The following CSMD1 variants were observed in gnomAD, a reference collection of about 807,000 sequenced individuals.
The protein encoded by CSMD1 is CUB and Sushi multiple domains 1.
CSMD1 carries 213 observed loss-of-function variants against 417.5 expected under a neutral mutation model. The ratio of observed to expected loss-of-function variants is 0.51; its 90% CI spans 0.46 to 0.57. CSMD1 has a LOEUF of 0.57. Ranked by LOEUF, CSMD1 falls within the 20% of genes least tolerant of loss-of-function variation. CSMD1 has a pLI of 0.00. For missense variants in CSMD1, 6,923 were observed against 4,529.7 expected, an observed-to-expected ratio of 1.53 and a Z score of -15.17; for synonymous variants, 2,862 against 1,736.8, an observed-to-expected ratio of 1.65 and a Z score of -16.11.
chr8:4,728,517 A>T (rs994483809), intron 1 of CSMD1, among the ~76,000 whole-genome samples: 10 of 152,126 alleles, frequency 6.6e-5, no homozygotes, highest in Admixed American at 6.5e-4. Context: ...TTACTAGGTG[A>T]AATAAATAAT....
intron 5 of CSMD1, among the ~76,000 whole-genome samples, chr8:3,799,247 C>G (rs982459200): frequency 6.6e-6 from 1 of 150,634 alleles, no homozygotes; most frequent in African/African-American, 2.5e-5. Flanking sequence ...TTTCTTTGAT[C>G]ACAGCATTTT....
intron 3 of CSMD1, among the ~76,000 whole-genome samples, chr8:4,227,756 A>G (rs1423071690): frequency 2.0e-5 from 3 of 151,294 alleles, no homozygotes; most frequent in South Asian, 2.1e-4. Flanking sequence ...CACACCCTCC[A>G]TCCTGCATTC....
At chr8:3,564,712 C>T (rs747360519) in intron 10 of CSMD1, among the ~76,000 whole-genome samples, 1 of 151,394 alleles carries the variant, frequency 6.6e-6, no homozygotes, top group African/African-American at 2.4e-5. Flanking sequence ...AATGTACGTG[C>T]CCTTGTGGCA....
chr8:4,241,952 T>C (rs74332667), intron 3 of CSMD1, among the ~76,000 whole-genome samples: 2,553 of 152,264 alleles, frequency 0.017, 37 homozygotes, highest in African/African-American at 0.041. Context: ...CCAGATTCAG[T>C]ATAAGTTTTC....
chr8:3,000,806 A>T (rs1430607386), intron 52 of CSMD1, among the ~76,000 whole-genome samples: 2 of 152,206 alleles, frequency 1.3e-5, no homozygotes, highest in Non-Finnish European at 2.9e-5. Context: ...ACTCAGGTGC[A>T]CAGTGAAAGA....
chr8:3,775,161 ATTTC>A (rs1033426673), intron 5 of CSMD1, among the ~76,000 whole-genome samples: 1 of 152,248 alleles, frequency 6.6e-6, no homozygotes, highest in Admixed American at 6.5e-5. Flanking sequence ...GAACTACTGT[ATTTC>A]TTTATTTATA....
chr8:4,896,634 C>T (rs562749446), intron 1 of CSMD1, among the ~76,000 whole-genome samples: 1 of 152,066 alleles, frequency 6.6e-6, no homozygotes, highest in Non-Finnish European at 1.5e-5. Flanking sequence ...AAAACAGAAA[C>T]CACTGCAAGT....
intron 3 of CSMD1, among the ~76,000 whole-genome samples, chr8:4,357,408 T>A (rs1388522629): frequency 6.6e-6 from 1 of 152,172 alleles, no homozygotes; most frequent in East Asian, 1.9e-4. Context: ...AAATATTTAC[T>A]CCAAGGCCAG....
chr8:3,228,540 CAG>C (rs1798648110), intron 27 of CSMD1, among the ~76,000 whole-genome samples: 1 of 152,114 alleles, frequency 6.6e-6, no homozygotes, highest in Non-Finnish European at 1.5e-5. Context: ...AAGGTAGAGA[CAG>C]GGGTATTTAT....
intron 1 of CSMD1, among the ~76,000 whole-genome samples, chr8:4,794,447 G>C (rs374571901): frequency 1.3e-5 from 2 of 152,038 alleles, no homozygotes; most frequent in Non-Finnish European, 1.5e-5. Flanking sequence ...AAAACAAAAT[G>C]GTTCCTCATT....
intron 47 of CSMD1, among the ~76,000 whole-genome samples, chr8:3,094,481 CT>C (rs2129009681): frequency 6.6e-6 from 1 of 152,242 alleles, no homozygotes; most frequent in Admixed American, 6.5e-5. Flanking sequence ...ATGTAACTAA[CT>C]TTCTAGAAGG....
intron 2 of CSMD1, among the ~76,000 whole-genome samples, chr8:4,588,181 T>A (rs969599936): frequency 2.0e-5 from 3 of 152,094 alleles, no homozygotes; most frequent in African/African-American, 7.2e-5. Context: ...ATCAAACATT[T>A]TCTTAGGCAT....
chr8:3,739,509 T>C (rs1051617775), intron 6 of CSMD1, among the ~76,000 whole-genome samples: 4 of 152,220 alleles, frequency 2.6e-5, no homozygotes, highest in African/African-American at 4.8e-5. Flanking sequence ...TCTCTCTGTA[T>C]TCCACAAATA....
Position 4,994,469 on chromosome 8 carries a change from A to T in CSMD1, c.-53T>A. 6.6e-7 allele frequency: 1 copy of T among 1,518,336 alleles called. No individual in the cohort carries two copies. The highest frequency in any genetic ancestry group is 9.1e-7 in the Non-Finnish European group (1 of 1,103,256). The allele number at this position is 1,518,336 out of a possible 1,614,324, so 94.1% of individuals were successfully genotyped here. ...CACCGATGGCTCCTCCGAGGAAGGC[A>T]GGGCTATGAGCGGAGCCAAATAATC... On this transcript the variant is annotated 5_prime_UTR_variant, in exon 1 of 70. Transcript: ENST00000635120.
chr8:3,344,880 T>C (rs1807889090), intron 22 of CSMD1, among the ~76,000 whole-genome samples: 1 of 152,364 alleles, frequency 6.6e-6, no homozygotes, highest in Admixed American at 6.5e-5. Context: ...TAGAATCAGA[T>C]ACTCTCTAAT....
At chr8:3,128,555 T>C (rs188031420) in intron 41 of CSMD1, 41 of 266,034 alleles carry the variant, frequency 1.5e-4, no homozygotes, top group African/African-American at 8.6e-4. Flanking sequence ...AAATCTCAAG[T>C]AGAACCTAGG....
At chr8:4,807,317 C>G (rs1322666074) in intron 1 of CSMD1, among the ~76,000 whole-genome samples, 1 of 152,134 alleles carries the variant, frequency 6.6e-6, no homozygotes, top group East Asian at 1.9e-4. Flanking sequence ...GGCTAATTTC[C>G]AAGGGTAGGG....
intron 2 of CSMD1, among the ~76,000 whole-genome samples, chr8:4,619,455 T>A (rs1801650508): frequency 6.6e-6 from 1 of 152,168 alleles, no homozygotes; most frequent in Non-Finnish European, 1.5e-5. Context: ...CAGTAGCTAG[T>A]GTAGTAGAAG....
chr8:4,147,397 C>T (rs543187425), intron 3 of CSMD1, among the ~76,000 whole-genome samples: 2 of 152,078 alleles, frequency 1.3e-5, no homozygotes, highest in Non-Finnish European at 2.9e-5. Context: ...ACTGCCTTCC[C>T]CACATGCTGC....
Sources: allele counts gnomAD v4.1 joint callset (sites outside exome capture counted in the v4.1 genomes callset), GRCh38; gene constraint gnomAD v4.1.1; transcripts MANE v1.5; gene names NCBI Gene and HGNC (gene_info 2026-07-23, HGNC 2026-07-21).